CCDC146: variants seen among roughly 807,000 people sequenced by gnomAD.
CCDC146 encodes the protein coiled-coil domain containing 146.
Under a neutral mutation model 119.3 loss-of-function variants are expected in CCDC146, and 92 were observed. The ratio of observed to expected loss-of-function variants is 0.77; its 90% confidence interval spans 0.65 to 0.92. The LOEUF (loss-of-function observed/expected upper bound fraction) is 0.92. CCDC146 is among the 40% of genes least tolerant of loss of function. CCDC146 has a pLI of 0.00. For missense variants in CCDC146, 1,000 were observed against 1,103.0 expected (o/e 0.91, Z 1.32); for synonymous variants, 372 against 371.8 (o/e 1.00, Z -0.01).
intron 2 of CCDC146, chr7:77,193,268 C>T (rs1354450238): frequency 6.6e-6 from 1 of 152,188 alleles, no homozygotes; most frequent in African/African-American, 2.4e-5. Context: ...CCTCTGACTT[C>T]TTGTTAATGA....
intron 1 of CCDC146, among the ~76,000 whole-genome samples, chr7:77,155,974 C>A (rs1791172882): frequency 1.3e-5 from 2 of 151,954 alleles, no homozygotes; most frequent in Non-Finnish European, 2.9e-5. Context: ...GAGTGAGGAT[C>A]TTTTCTTGGG....
intron 3 of CCDC146, among the ~76,000 whole-genome samples, chr7:77,239,146 T>A (rs1792796442): frequency 6.6e-6 from 1 of 152,168 alleles, no homozygotes; most frequent in Non-Finnish European, 1.5e-5. Flanking sequence ...TTTAAATACA[T>A]GTGGGTAAGT....
intron 4 of CCDC146, among the ~76,000 whole-genome samples, chr7:77,254,255 C>T (rs781240676): frequency 6.6e-6 from 1 of 152,182 alleles, no homozygotes; most frequent in South Asian, 2.1e-4. Context: ...GCCCGTGGTC[C>T]CCAACATTTA....
At chr7:77,149,989 T>C in intron 1 of CCDC146, among the ~76,000 whole-genome samples, 1 of 151,598 alleles carries the variant, frequency 6.6e-6, no homozygotes, top group Non-Finnish European at 1.5e-5. Context: ...GCGGGAATAA[T>C]TGTATATATA....
chr7:77,138,290 CAA>C (rs59868618), intron 1 of CCDC146, among the ~76,000 whole-genome samples: 66 of 121,852 alleles, frequency 5.4e-4, no homozygotes, highest in Admixed American at 8.4e-4. Flanking sequence ...GGGGCAGTTG[CAA>C]AAAAAAAAAA....
At chr7:77,224,574 G>A (rs1792468833) in intron 2 of CCDC146, among the ~76,000 whole-genome samples, 1 of 152,206 alleles carries the variant, frequency 6.6e-6, no homozygotes, top group African/African-American at 2.4e-5. Context: ...ATTAGGACAT[G>A]CACATCCTGG....
chr7:77,198,366 T>G lies in CCDC146; in HGVS notation c.156+30542T>G, dbSNP rs527832433. 1.7e-4 allele frequency: 166 copies of G among 967,000 alleles called. No homozygotes were observed. The African/African-American group carries it at 2.6e-3, about 15-fold the overall frequency. The allele number at this position is 967,000 out of a possible 1,614,324, so 59.9% of individuals were successfully genotyped here. A position where few individuals can be genotyped will look rare whatever the true frequency, so the allele number is the denominator to read the frequency against. ...GATGGCTTTCCAAAGTATGAGACAGTCAGCAACAGTGGTCCCAGTGACTCA... is the reference window on the plus strand; with the variant it reads ...GATGGCTTTCCAAAGTATGAGACAGGCAGCAACAGTGGTCCCAGTGACTCA... On this transcript the variant is annotated intron_variant, in intron 2 of 18. Coordinates refer to ENST00000285871, the MANE Select transcript of CCDC146 (RefSeq NM_020879.3).
At chr7:77,238,663 C>A (rs3108407) in intron 3 of CCDC146, among the ~76,000 whole-genome samples, 2 of 151,916 alleles carry the variant, frequency 1.3e-5, no homozygotes, top group Non-Finnish European at 2.9e-5. Context: ...GTGATCCTCA[C>A]GCCTCGGCCT....
In CCDC146 at chr7:77,196,086, AG is replaced by A; in HGVS notation, c.156+28263del. The A allele has an allele frequency of 1.9e-6, 1 of 538,200 alleles. No homozygotes were observed. Among genetic ancestry groups the A allele is most frequent in the South Asian group, 3.1e-5 (1 of 32,602 alleles). The allele number at this position is 538,200 out of a possible 1,614,324, so 33.3% of individuals were successfully genotyped here. A position where few individuals can be genotyped will look rare whatever the true frequency, so the allele number is the denominator to read the frequency against. On this transcript the variant is annotated intron_variant, in intron 2 of 18. Transcript: ENST00000285871. The surrounding 1 kb of genome is among the most constrained non-coding windows in gnomAD (Gnocchi z 4.2). Reference sequence around the variant, plus strand: ...TGCTTGCAAGTGTTCATTGGATAACAGCATAACAACAAAGGACTCCTTTAAA... The same window carrying A: ...TGCTTGCAAGTGTTCATTGGATAACACATAACAACAAAGGACTCCTTTAAA...
rs752921200 is a variant in CCDC146, at chr7:77,293,116, A to T, written c.2580A>T (p.Pro860=). Residue 860 remains proline (P), a synonymous_variant, in exon 18 of 19, where the codon CCA becomes CCT. Transcript: ENST00000285871. ...ATTCCAGGATAGAAAAAGGTCTGCC[A>T]CTCAATAAGGAAATTGAGAAAGAAT... is the stretch of plus-strand genomic sequence containing the variant. ...TCNSRIEKGL[P]LNKEIEKEWL... is the part of the protein sequence containing the mutation. 6.2e-7 allele frequency: 1 copy of T among 1,614,180 alleles called. No individual in the cohort carries two copies. The highest frequency in any genetic ancestry group is 1.7e-5 in the Admixed American group (1 of 60,024).
At chr7:77,161,709 G>A (rs1161211778) in intron 1 of CCDC146, among the ~76,000 whole-genome samples, 1 of 151,498 alleles carries the variant, frequency 6.6e-6, no homozygotes, top group East Asian at 1.9e-4. Flanking sequence ...AATGGGTGCA[G>A]CACACCAGCA....
chr7:77,233,492 A>C (rs906613817), intron 2 of CCDC146, among the ~76,000 whole-genome samples: 5 of 130,696 alleles, frequency 3.8e-5, no homozygotes, highest in Non-Finnish European at 4.8e-5. Context: ...TTATAATTTT[A>C]CTTATTTGCT....
intron 9 of CCDC146, among the ~76,000 whole-genome samples, chr7:77,270,474 G>GA (rs1793490767): frequency 6.6e-6 from 1 of 152,106 alleles, no homozygotes; most frequent in Non-Finnish European, 1.5e-5. Flanking sequence ...AAAAGAAATG[G>GA]AAAATATCTC....
At chr7:77,248,553 C>T (rs1792997976) in intron 4 of CCDC146, among the ~76,000 whole-genome samples, 1 of 152,140 alleles carries the variant, frequency 6.6e-6, no homozygotes, top group Non-Finnish European at 1.5e-5. Flanking sequence ...ATATGATTTT[C>T]CAAGTGTGAT....
Position 77,196,207 on chromosome 7 carries a change from C to T in CCDC146, c.156+28383C>T. On this transcript the variant is annotated intron_variant, in intron 2 of 18. Transcript: ENST00000285871. This position sits in a 1 kb window ranked among gnomAD's most constrained non-coding sequence, Gnocchi z 4.2. Reference sequence around the variant, plus strand: ...TAGCTATGAAAAATATGAAACAAGGCATATTCTAAAGTGCTGAAGGAATTA... The same window carrying T: ...TAGCTATGAAAAATATGAAACAAGGTATATTCTAAAGTGCTGAAGGAATTA... The T allele has an allele frequency of 2.8e-6, 3 of 1,064,228 alleles. No homozygotes were observed. The highest frequency in any genetic ancestry group is 2.7e-6 in the Non-Finnish European group (2 of 734,550). 65.9% of individuals were successfully genotyped at this position (1,064,228 alleles called of 1,614,324 possible). A position where few individuals can be genotyped will look rare whatever the true frequency, so the allele number is the denominator to read the frequency against.
rs189628044 is a variant in CCDC146, at chr7:77,163,904, G to A, written c.-11-3754G>A. Among the ~76,000 whole-genome samples the A allele has an allele frequency of 4.4e-3, 628 of 142,678 alleles. 3 individuals are homozygous for A. The Middle Eastern group carries it at 0.072, about 16-fold the overall frequency. The allele number at this position is 142,678 out of a possible 152,430, so 93.6% of individuals were successfully genotyped here. ...AGACAGAGTCTCGCTCTTTCTCCCAGGCTGGAGTACAATGGCACAATCTCG... is the reference window on the plus strand; with the variant it reads ...AGACAGAGTCTCGCTCTTTCTCCCAAGCTGGAGTACAATGGCACAATCTCG... On this transcript the variant is annotated intron_variant, in intron 1 of 18. Coordinates refer to ENST00000285871, the MANE Select transcript of CCDC146 (RefSeq NM_020879.3).
chr7:77,168,805 C>T (rs1280691835), intron 2 of CCDC146, among the ~76,000 whole-genome samples: 2 of 151,820 alleles, frequency 1.3e-5, no homozygotes, highest in Non-Finnish European at 2.9e-5. Context: ...TTGCTTTATC[C>T]TTTTTTTTCT....
At chr7:77,150,456 G>T (rs1464239118) in intron 1 of CCDC146, among the ~76,000 whole-genome samples, 5 of 152,160 alleles carry the variant, frequency 3.3e-5, no homozygotes, top group Non-Finnish European at 7.3e-5. Context: ...TGTATGAAAA[G>T]ATATTCAACA....
intron 2 of CCDC146, among the ~76,000 whole-genome samples, chr7:77,204,873 CT>C (rs1792055420): frequency 6.6e-6 from 1 of 152,164 alleles, no homozygotes; most frequent in Non-Finnish European, 1.5e-5. Flanking sequence ...AATCCTAGCA[CT>C]TTGGGAAACT....
Sources: allele counts gnomAD v4.1 joint callset (sites outside exome capture counted in the v4.1 genomes callset), GRCh38; gene constraint gnomAD v4.1.1; non-coding constraint Gnocchi (gnomAD v3.1); transcripts MANE v1.5; gene names NCBI Gene and HGNC (gene_info 2026-07-23, HGNC 2026-07-21).